The following FNDC3B variants were observed in gnomAD, a reference collection of about 807,000 sequenced individuals.
FNDC3B encodes the protein fibronectin type III domain containing 3B.
FNDC3B carries 12 observed loss-of-function variants against 151.5 expected under a neutral mutation model. The observed-to-expected ratio is 0.08, with a 90% CI of 0.05 to 0.13. The LOEUF (loss-of-function observed/expected upper bound fraction) is 0.13, where lower values mean the gene tolerates loss of function less well. FNDC3B is among the 10% of genes least tolerant of loss of function. The probability of loss-of-function intolerance (pLI) is 1.00; values close to 1 mark genes in which losing one functional copy is unlikely to be tolerated. For synonymous variants in FNDC3B, 528 were observed against 549.0 expected (o/e 0.96, Z 0.54); for missense variants, 1,214 against 1,505.3 (o/e 0.81, Z 3.20).
At position 172,251,510 on chromosome 3, in the gene FNDC3B, C is replaced by T. The variant is rs1275653867; in HGVS notation, c.759C>T (p.Ser253=). Residue 253 remains serine, a synonymous_variant, in exon 6 of 26, where the codon AGC becomes AGT. Transcript: ENST00000415807. ...GIKKTERRAR[S]SPKSNDSDLQ... is the part of the protein sequence containing the mutation. ...AGAAAACAGAGCGACGAGCAAGAAGCAGCCCAAAGTCGAATGATTCAGACT... is the reference window on the plus strand; with the variant it reads ...AGAAAACAGAGCGACGAGCAAGAAGTAGCCCAAAGTCGAATGATTCAGACT... 1.2e-6 allele frequency: 2 copies of T among 1,613,736 alleles called. No homozygotes were observed. Among genetic ancestry groups the T allele is most frequent in the Non-Finnish European group, 8.5e-7 (1 of 1,179,864 alleles).
At chr3:172,054,636 T>C (rs774526619) in intron 1 of FNDC3B, among the ~76,000 whole-genome samples, 51 of 152,156 alleles carry the variant, frequency 3.4e-4, no homozygotes, top group Non-Finnish European at 5.9e-4. Flanking sequence ...TTCCACAGAA[T>C]GGTGAGGACT....
intron 3 of FNDC3B, among the ~76,000 whole-genome samples, chr3:172,142,804 C>T (rs4894811): frequency 0.46 from 70,686 of 152,014 alleles, 17,211 homozygotes; most frequent in East Asian, 0.58. Flanking sequence ...GACCGGGTGG[C>T]TTATTAACAA....
At position 172,346,993 on chromosome 3, in the gene FNDC3B, C is replaced by T. The variant is rs373740191; in HGVS notation, c.2365-219C>T. ...TGCTGGGATTACAGGCATGAGCCGCCGCACCTGGCCCTATTTTATTTTTAA... is the reference window on the plus strand; with the variant it reads ...TGCTGGGATTACAGGCATGAGCCGCTGCACCTGGCCCTATTTTATTTTTAA... On this transcript the variant is annotated intron_variant, in intron 20 of 25. Coordinates refer to ENST00000415807, the MANE Select transcript of FNDC3B (RefSeq NM_022763.4). Among the ~76,000 whole-genome samples, 20 of 152,266 alleles carry T rather than the reference C, an allele frequency of 1.3e-4. No individual in the cohort carries two copies. In the East Asian group the frequency reaches 1.3e-3, roughly 10 times the overall value.
At position 172,133,518 on chromosome 3, in the gene FNDC3B, A is replaced by C; in HGVS notation, c.159A>C (p.Ala53=). 1 of 1,613,276 alleles carries C rather than the reference A, an allele frequency of 6.2e-7. No homozygotes were observed. Among genetic ancestry groups the C allele is most frequent in the African/African-American group, 1.3e-5 (1 of 75,038 alleles). The change falls in exon 3 of 26, where the codon GCA becomes GCC. Residue 53 remains alanine (A), a synonymous_variant. Transcript: ENST00000415807. The stretch of plus-strand genomic sequence containing the variant: ...CAGGTGAGACTTTCACAATAAGAGC[A>C]GAGGATGGAACACTTCAGTGCATTC... The part of the protein sequence containing the change: ...VNPGETFTIR[A]EDGTLQCIQG...
chr3:172,042,549 A>C (rs1716139023), intron 1 of FNDC3B, among the ~76,000 whole-genome samples: 1 of 152,228 alleles, frequency 6.6e-6, no homozygotes, highest in African/African-American at 2.4e-5. Flanking sequence ...GGGATATCTG[A>C]TGTGTACTAA....
chr3:172,391,809 T>G (rs967189819), intron 25 of FNDC3B, among the ~76,000 whole-genome samples: 1 of 152,162 alleles, frequency 6.6e-6, no homozygotes, highest in Non-Finnish European at 1.5e-5. Flanking sequence ...ATCAAACTGG[T>G]GGAGTCCCAG....
At chr3:172,265,875 CTTG>C (rs1378479910) in intron 6 of FNDC3B, among the ~76,000 whole-genome samples, 2 of 152,168 alleles carry the variant, frequency 1.3e-5, no homozygotes, top group South Asian at 4.1e-4. Context: ...TTCCTGCTGC[CTTG>C]TTGTGAGCAG....
intron 2 of FNDC3B, 92 bp from the exon 3 acceptor site, chr3:172,133,379 G>T (rs1721204967): frequency 1.0e-5 from 10 of 968,030 alleles, no homozygotes; most frequent in South Asian, 1.0e-4. Flanking sequence ...TATGCCACAT[G>T]CTTCCTGTCT....
At chr3:172,212,141 A>T (rs1725761783) in intron 3 of FNDC3B, among the ~76,000 whole-genome samples, 1 of 152,198 alleles carries the variant, frequency 6.6e-6, no homozygotes, top group Non-Finnish European at 1.5e-5. Flanking sequence ...CTTTATTATG[A>T]CTAAAGCTGG....
intron 3 of FNDC3B, among the ~76,000 whole-genome samples, chr3:172,135,487 C>G (rs1256120088): frequency 6.6e-6 from 1 of 152,158 alleles, no homozygotes; most frequent in Non-Finnish European, 1.5e-5. Context: ...TCAAAAATGC[C>G]TTTGACCAAA....
intron 1 of FNDC3B, among the ~76,000 whole-genome samples, chr3:172,055,942 G>A (rs1221841906): frequency 6.6e-6 from 1 of 152,048 alleles, no homozygotes; most frequent in African/African-American, 2.4e-5. Context: ...CACCACGCCC[G>A]GCTAATTTTT....
chr3:172,234,179 C>G (rs957600410), intron 4 of FNDC3B, among the ~76,000 whole-genome samples: 1 of 152,126 alleles, frequency 6.6e-6, no homozygotes, highest in Admixed American at 6.5e-5. Context: ...TGGGAGGAAA[C>G]GAGGGCCCAA....
intron 21 of FNDC3B, among the ~76,000 whole-genome samples, chr3:172,348,879 G>A (rs1733727654): frequency 6.6e-6 from 1 of 152,154 alleles, no homozygotes; most frequent in Non-Finnish European, 1.5e-5. Context: ...CAGGAAGGGG[G>A]TCTGTTCAAA....
intron 1 of FNDC3B, among the ~76,000 whole-genome samples, chr3:172,064,397 G>A (rs1037164611): frequency 1.3e-5 from 2 of 152,210 alleles, no homozygotes; most frequent in African/African-American, 4.8e-5. Flanking sequence ...ATAATGACCC[G>A]TTTTATATTT....
chr3:172,372,426 G>T (rs373400309), intron 23 of FNDC3B, among the ~76,000 whole-genome samples: 1 of 152,196 alleles, frequency 6.6e-6, no homozygotes, highest in African/African-American at 2.4e-5. Context: ...AAATGACTCA[G>T]TGACTTTATT....
intron 2 of FNDC3B, among the ~76,000 whole-genome samples, chr3:172,124,547 A>G (rs1265618250): frequency 6.6e-6 from 1 of 152,116 alleles, no homozygotes; most frequent in East Asian, 1.9e-4. Flanking sequence ...TGTAAGGTTG[A>G]CTCTTCCAGA....
At chr3:172,390,197 GATA>G in intron 25 of FNDC3B, among the ~76,000 whole-genome samples, 2 of 152,256 alleles carry the variant, frequency 1.3e-5, no homozygotes, top group Admixed American at 1.3e-4. Flanking sequence ...ATGTAAAAAA[GATA>G]ATGTTAACAT....
chr3:172,357,210 C>T (rs902740328), intron 22 of FNDC3B, among the ~76,000 whole-genome samples: 1 of 152,028 alleles, frequency 6.6e-6, no homozygotes, highest in African/African-American at 2.4e-5. Context: ...ATTGCAGACT[C>T]CTGGAAACAT....
chr3:172,064,684 A>G (rs115200916), intron 1 of FNDC3B, among the ~76,000 whole-genome samples: 3,914 of 152,322 alleles, frequency 0.026, 169 homozygotes, highest in African/African-American at 0.085. Flanking sequence ...AATATGCTCC[A>G]GGGGAAGATT....
Sources: gnomAD v4.1 joint callset for allele counts (sites outside exome capture counted in the v4.1 genomes callset) on GRCh38, gnomAD v4.1.1 for gene constraint, MANE v1.5 for transcripts, NCBI Gene and HGNC (gene_info 2026-07-23, HGNC 2026-07-21) for gene names.